Variants in NEB observed in about 807,000 individuals in gnomAD.
NEB encodes nebulin.
A neutral mutation model predicts 952.2 loss-of-function variants in NEB; 512 were observed. The observed-to-expected ratio is 0.54, with a 90% CI of 0.50 to 0.58. The LOEUF is 0.58. Ranked by LOEUF, NEB falls within the 20% of genes least tolerant of loss-of-function variation. The pLI is 0.00. For missense variants in NEB, 8,428 were observed against 9,231.1 expected (o/e 0.91, Z 3.56); for synonymous variants, 2,900 against 3,149.8 (o/e 0.92, Z 2.66).
intron 113 of NEB, 31 bp downstream of exon 113, chr2:151,568,040 T>C: frequency 6.4e-7 from 1 of 1,561,256 alleles, no homozygotes; most frequent in East Asian, 2.3e-5. Flanking sequence ...GTCCCACTTT[T>C]GCAAAATGCA....
At chr2:151,514,162 A>C (rs180861698) in intron 159 of NEB, among the ~76,000 whole-genome samples, 156 bp downstream of exon 159, 94 of 152,358 alleles carry the variant, frequency 6.2e-4, no homozygotes, top group Non-Finnish European at 1.0e-4. Context: ...GGTATATTTT[A>C]TGTAATGGTT....
chr2:151,710,349 T>C (rs1045128880), intron 11 of NEB, 85 bp downstream of exon 11: 2 of 847,892 alleles, frequency 2.4e-6, no homozygotes, highest in South Asian at 1.9e-5. Flanking sequence ...CTGGCACCCA[T>C]TCAGGTAGAG....
intron 13 of NEB, among the ~76,000 whole-genome samples, chr2:151,704,693 A>T (rs1030487552): frequency 1.3e-5 from 2 of 152,120 alleles, no homozygotes; most frequent in Non-Finnish European, 2.9e-5. Context: ...TTCCCAAGTG[A>T]GGCAATGCCT....
chr2:151,646,425 G>C (rs2098958783), intron 54 of NEB, among the ~76,000 whole-genome samples, 191 bp from the exon 55 acceptor site: 4 of 152,130 alleles, frequency 2.6e-5, no homozygotes, highest in African/African-American at 9.7e-5. Context: ...TTTCAACACA[G>C]AGATTATGGG....
Position 151,505,498 on chromosome 2 carries a change from T to C in NEB, c.23722A>G (p.Thr7908Ala). Residue 7908 changes from threonine (T) to alanine (A), a missense_variant, in exon 165 of 182, where the codon ACG (threonine) becomes GCG (alanine). Physicochemically the swap from Thr to Ala is moderately conservative, Grantham distance 58. Around this residue, in one of 11 missense-constraint regions of NEB, gnomAD observed 3,374 missense variants for 3,651.5 expected, o/e 0.92. Transcript: ENST00000397345. The stretch of plus-strand genomic sequence containing the variant: ...ACTACCGAGCTAATGTGCTTCTGCG[T>C]CTCCTTCACACGTTTCACTTCAGGC... ...DLPEVKRVKE[T>A]QKHISSVMYK... is the part of the protein sequence containing the mutation. 1 of 1,613,756 alleles carries C rather than the reference T, an allele frequency of 6.2e-7. No individual in the cohort carries two copies. The highest frequency in any genetic ancestry group is 8.5e-7 in the Non-Finnish European group (1 of 1,179,726).
chr2:151,651,718 C>G (rs528960750), intron 52 of NEB, among the ~76,000 whole-genome samples: 1 of 152,236 alleles, frequency 6.6e-6, no homozygotes, highest in African/African-American at 2.4e-5. Context: ...AGTATACTAA[C>G]AGCATTTACT....
In NEB at chr2:151,507,998, A is replaced by AACTT. The variant is rs1195277924; in HGVS notation, c.23451+3_23451+6dup. On this transcript the variant is annotated splice_region_variant and intron_variant, in intron 162 of 181. Coordinates refer to ENST00000397345, the MANE Select transcript of NEB (RefSeq NM_001164508.2). ...TGGGCTGTGCCTTACATTTAATAAA[A>AACTT]ACTTACAAGGCTGAAGTTCTTTTGG... 2 of 1,594,662 alleles carry AACTT rather than the reference A, an allele frequency of 1.3e-6. No individual in the cohort carries two copies. The highest frequency in any genetic ancestry group is 1.7e-5 in the Admixed American group (1 of 58,334).
At chr2:151,524,792 G>A (rs748409064) in intron 151 of NEB, among the ~76,000 whole-genome samples, 176 bp from the exon 152 acceptor site, 14 of 148,146 alleles carry the variant, frequency 9.5e-5, no homozygotes, top group Admixed American at 4.8e-4. Context: ...TCAGCCTCCC[G>A]AGTAGCTGGG....
intron 74 of NEB, among the ~76,000 whole-genome samples, chr2:151,618,042 G>T (rs1464281060): frequency 3.3e-5 from 5 of 152,008 alleles, no homozygotes; most frequent in Non-Finnish European, 4.4e-5. Flanking sequence ...CCTGGGCGAC[G>T]AGAACAAAAC....
Position 151,537,172 on chromosome 2 carries a change from T to C in NEB, c.21167A>G (p.Asp7056Gly), listed in dbSNP as rs758742595. 9 of 1,613,180 alleles carry C rather than the reference T, an allele frequency of 5.6e-6. No homozygotes were observed. The South Asian group carries it at 8.8e-5, about 16-fold the overall frequency. ...CTTGTTCTTTTCAGCCAGAGTGAAA[T>C]CAGGGGTATCATAGGCATAGCAACC... is the stretch of plus-strand genomic sequence containing the variant. ...GIGCYAYDTP[D>G]FTLAEKNKTL... Residue 7056 changes from aspartate (D) to glycine (G), a missense_variant, in exon 141 of 182, where the codon GAT (aspartate) becomes GGT (glycine). This residue lies in a region of NEB where 3,374 missense variants were observed against 3,651.5 expected (regional missense o/e 0.92). Transcript: ENST00000397345.
In NEB at chr2:151,666,183, G is replaced by A. The variant is rs765208384; in HGVS notation, c.4938C>T (p.Asn1646=). The A allele has an allele frequency of 3.3e-5, 54 of 1,613,830 alleles. No individual in the cohort carries two copies. Among genetic ancestry groups the A allele is most frequent in the African/African-American group, 1.9e-4 (14 of 74,912 alleles). ...AAKKSQEVAT[N]ANYRQSYHHY... is the part of the protein sequence containing the mutation. ...GGTGGTATGACTGTCTGTAGTTGGC[G>A]TTGGTGGCAACCTCCTGAGATTTCT... is the stretch of plus-strand genomic sequence containing the variant. Residue 1646 remains asparagine, a synonymous_variant, in exon 41 of 182, where the codon AAC becomes AAT. Transcript: ENST00000397345.
intron 4 of NEB, among the ~76,000 whole-genome samples, chr2:151,728,932 C>G (rs2099798553): frequency 6.6e-6 from 1 of 152,096 alleles, no homozygotes; most frequent in Non-Finnish European, 1.5e-5. Flanking sequence ...ATTACAGCAT[C>G]TACAGATACT....
At position 151,692,277 on chromosome 2, in the gene NEB, A is replaced by C; in HGVS notation, c.1982T>G (p.Leu661Arg). 6.2e-7 allele frequency: 1 copy of C among 1,613,822 alleles called. No homozygotes were observed. The highest frequency in any genetic ancestry group is 8.5e-7 in the Non-Finnish European group (1 of 1,179,752). Reference sequence around the variant, plus strand: ...TTTTCGAACCTCACTGAAGTTCTTCAGCTGAGTATCAAGTTGATATTTTGG... The same window carrying C: ...TTTTCGAACCTCACTGAAGTTCTTCCGCTGAGTATCAAGTTGATATTTTGG... Reference protein sequence around the residue: ...ETPKYQLDTQLKNFSEARYKD... With the variant: ...ETPKYQLDTQRKNFSEARYKD... The change falls in exon 21 of 182, where the codon CTG becomes CGG. Residue 661 changes from leucine to arginine, a missense_variant. Physicochemically the swap from Leu to Arg is moderately radical, Grantham distance 102. Coordinates refer to ENST00000397345, the MANE Select transcript of NEB (RefSeq NM_001164508.2).
rs1487768276 is a variant in NEB at position 151,664,482 on chromosome 2, G to A, written c.5451+19C>T. ...TTCTTACTTGCTCAACCCCAAAAAGGCCCAGTGCAAGCACTTACATCACTG... is the reference window on the plus strand; with the variant it reads ...TTCTTACTTGCTCAACCCCAAAAAGACCCAGTGCAAGCACTTACATCACTG... On this transcript the variant is annotated intron_variant, in intron 44 of 181. Coordinates refer to ENST00000397345, the MANE Select transcript of NEB (RefSeq NM_001164508.2). 6.5e-7 allele frequency: 1 copy of A among 1,527,434 alleles called. No individual in the cohort carries two copies. The highest frequency in any genetic ancestry group is 1.3e-5 in the South Asian group (1 of 78,214). 94.6% of individuals were successfully genotyped at this position (1,527,434 alleles called of 1,614,324 possible).
intron 179 of NEB, 27 bp from the exon 180 acceptor site, chr2:151,490,545 G>A: frequency 6.2e-7 from 1 of 1,602,724 alleles, no homozygotes; most frequent in Non-Finnish European, 8.5e-7. Context: ...TGGGGGAGAT[G>A]TAGCAAACAT....
At chr2:151,675,196 TA>T in intron 35 of NEB, 90 bp downstream of exon 35, 2 of 905,924 alleles carry the variant, frequency 2.2e-6, no homozygotes, top group Non-Finnish European at 3.6e-6. Context: ...GAAATGGGCC[TA>T]AATAAATTGT....
At chr2:151,516,395 G>C (rs751988475) in intron 157 of NEB, 64 bp downstream of exon 157, 11 of 1,150,640 alleles carry the variant, frequency 9.6e-6, no homozygotes, top group Non-Finnish European at 1.2e-5. Context: ...GCCATGTCAT[G>C]GGCAGAGCTT....
chr2:151,638,835 GT>G lies in NEB; in HGVS notation c.8994+444del, dbSNP rs1560814312. 1.5e-3 allele frequency among the ~76,000 whole-genome samples: 225 copies of G among 151,484 alleles called. 1 individual carries two copies. Among genetic ancestry groups the G allele is most frequent in the Middle Eastern group, 6.8e-3 (2 of 294 alleles). On this transcript the variant is annotated intron_variant, in intron 63 of 181. Coordinates refer to ENST00000397345, the MANE Select transcript of NEB (RefSeq NM_001164508.2). ...TGTGTGTGTGTGTGTGTGTGTGTGT[GT>G]GTGGGTTACCTGGTAGTACTGTGGA...
At chr2:151,670,627 G>C (rs1391574058) in intron 38 of NEB, among the ~76,000 whole-genome samples, 1 of 152,126 alleles carries the variant, frequency 6.6e-6, no homozygotes, top group Non-Finnish European at 1.5e-5. Flanking sequence ...TTATGCGAGG[G>C]GATTAGGACA....
Sources: gnomAD v4.1 joint callset for allele counts (sites outside exome capture counted in the v4.1 genomes callset) on GRCh38, gnomAD v4.1.1 for gene constraint, gnomAD v4.1.1 regional missense constraint, MANE v1.5 for transcripts, NCBI Gene and HGNC (gene_info 2026-07-23, HGNC 2026-07-21) for gene names.